GRM8: variants seen among roughly 807,000 people sequenced by gnomAD.
The protein encoded by GRM8 is metabotropic glutamate receptor 8.
Under a neutral mutation model 87.2 loss-of-function variants are expected in GRM8, and 47 were observed. That is an observed-to-expected ratio of 0.54 (90% CI 0.43 to 0.69). The LOEUF (loss-of-function observed/expected upper bound fraction) is 0.69. Among genes scored for constraint, GRM8 ranks in the 30% least tolerant of loss-of-function variants. GRM8 has a pLI of 0.00. For synonymous variants in GRM8, 396 were observed against 404.5 expected (o/e 0.98, Z 0.25); for missense variants, 1,019 against 1,139.2 (o/e 0.89, Z 1.52).
intron 6 of GRM8, among the ~76,000 whole-genome samples, chr7:126,828,980 A>T (rs1243969621): frequency 3.3e-5 from 5 of 152,124 alleles, no homozygotes; most frequent in Non-Finnish European, 4.4e-5. Context: ...ATTAAGGAGC[A>T]GGTTGTTCAG....
chr7:126,698,573 A>G (rs971836473), intron 7 of GRM8, among the ~76,000 whole-genome samples: 2 of 152,142 alleles, frequency 1.3e-5, no homozygotes, highest in Admixed American at 1.3e-4. Context: ...CTATACCTGG[A>G]ATGACTCACA....
chr7:127,035,173 C>A (rs901194992), intron 3 of GRM8, among the ~76,000 whole-genome samples: 13 of 152,144 alleles, frequency 8.5e-5, no homozygotes, highest in Admixed American at 5.2e-4. Flanking sequence ...AAAAACAATT[C>A]TTTTCCCACT....
intron 7 of GRM8, among the ~76,000 whole-genome samples, chr7:126,645,399 G>A (rs1802918179): frequency 6.6e-6 from 1 of 152,140 alleles, no homozygotes; most frequent in Non-Finnish European, 1.5e-5. Flanking sequence ...CCCACCCAGA[G>A]GAAGACTCAG....
intron 6 of GRM8, among the ~76,000 whole-genome samples, chr7:126,889,037 C>T (rs563769324): frequency 2.0e-5 from 3 of 152,144 alleles, no homozygotes; most frequent in East Asian, 1.9e-4. Flanking sequence ...GTCGGCCCAC[C>T]GTTGGGGTGT....
intron 7 of GRM8, among the ~76,000 whole-genome samples, chr7:126,682,274 A>C (rs977751111): frequency 2.0e-5 from 3 of 152,224 alleles, no homozygotes; most frequent in Non-Finnish European, 4.4e-5. Flanking sequence ...TAAATATCTG[A>C]ATGACTGAAT....
chr7:127,031,982 T>C (rs979794671), intron 3 of GRM8, among the ~76,000 whole-genome samples: 1 of 152,160 alleles, frequency 6.6e-6, no homozygotes. Flanking sequence ...TTCATATTCA[T>C]ATGTCTTGTC....
chr7:126,648,682 G>A (rs1563056084), intron 7 of GRM8, among the ~76,000 whole-genome samples: 1 of 152,186 alleles, frequency 6.6e-6, no homozygotes, highest in Non-Finnish European at 1.5e-5. Context: ...GACATTTGCT[G>A]ATAGATACCA....
At chr7:126,655,411 G>A (rs1452406127) in intron 7 of GRM8, among the ~76,000 whole-genome samples, 3 of 151,976 alleles carry the variant, frequency 2.0e-5, no homozygotes, top group African/African-American at 4.8e-5. Flanking sequence ...ATCTCATCTC[G>A]AATTATCATC....
chr7:126,702,861 G>A (rs1307096376), intron 7 of GRM8, among the ~76,000 whole-genome samples: 1 of 152,144 alleles, frequency 6.6e-6, no homozygotes, highest in Non-Finnish European at 1.5e-5. Context: ...AATGCTAAGT[G>A]ATAAAGACCT....
intron 3 of GRM8, among the ~76,000 whole-genome samples, chr7:127,031,319 T>A (rs1056744270): frequency 6.6e-6 from 1 of 152,136 alleles, no homozygotes; most frequent in Non-Finnish European, 1.5e-5. Flanking sequence ...TTATTTGTCA[T>A]TATCTGCAAA....
intron 3 of GRM8, among the ~76,000 whole-genome samples, chr7:127,001,208 TA>T (rs1340388409): frequency 2.0e-5 from 3 of 151,650 alleles, no homozygotes; most frequent in African/African-American, 7.2e-5. Context: ...AAGATATGCA[TA>T]TGAATACATA....
At chr7:126,737,588 A>G (rs889481037) in intron 7 of GRM8, among the ~76,000 whole-genome samples, 1 of 151,986 alleles carries the variant, frequency 6.6e-6, no homozygotes, top group Non-Finnish European at 1.5e-5. Context: ...AACCTCTCTC[A>G]TGATATTAAA....
intron 2 of GRM8, among the ~76,000 whole-genome samples, chr7:127,158,922 A>AACTTAAGTT (rs1792917229): frequency 6.6e-6 from 1 of 152,116 alleles, no homozygotes; most frequent in African/African-American, 2.4e-5. Flanking sequence ...CACCACCTCT[A>AACTTAAGTT]GAAGGGCCCT....
intron 6 of GRM8, among the ~76,000 whole-genome samples, chr7:126,771,625 T>G (rs1818849608): frequency 1.3e-5 from 2 of 152,150 alleles, no homozygotes; most frequent in South Asian, 4.1e-4. Context: ...ATCAGTTTAC[T>G]TCATTTTGGA....
chr7:127,148,950 C>A (rs1316671597), intron 2 of GRM8, among the ~76,000 whole-genome samples: 2 of 151,932 alleles, frequency 1.3e-5, no homozygotes, highest in Non-Finnish European at 2.9e-5. Flanking sequence ...AAATAAAAGA[C>A]CTAAACATAA....
chr7:126,691,657 A>T (rs1808826555), intron 7 of GRM8, among the ~76,000 whole-genome samples: 2 of 152,134 alleles, frequency 1.3e-5, no homozygotes, highest in Admixed American at 1.3e-4. Flanking sequence ...GAGTTAAGAC[A>T]ATATTGGAGG....
chr7:126,496,202 G>GAGAAAGGGAGGAAGGAAGGA (rs1405946092), intron 9 of GRM8, among the ~76,000 whole-genome samples: 2 of 151,780 alleles, frequency 1.3e-5, no homozygotes, highest in Admixed American at 1.3e-4. Context: ...AAAGGACAGA[G>GAGAAAGGGAGGAAGGAAGGA]AGAAAGGGAG....
chr7:127,136,357 C>T (rs1827945008), intron 2 of GRM8, among the ~76,000 whole-genome samples: 1 of 152,074 alleles, frequency 6.6e-6, no homozygotes, highest in Admixed American at 6.5e-5. Context: ...CCAGAAGCAT[C>T]ACTTCTAATA....
intron 8 of GRM8, among the ~76,000 whole-genome samples, chr7:126,597,554 T>C (rs1053541306): frequency 6.6e-6 from 1 of 152,124 alleles, no homozygotes; most frequent in South Asian, 2.1e-4. Context: ...CTACTTGTTA[T>C]GTTAAAATTG....
Sources: allele counts gnomAD v4.1 joint callset (sites outside exome capture counted in the v4.1 genomes callset), GRCh38; gene constraint gnomAD v4.1.1; transcripts MANE v1.5; gene names NCBI Gene and HGNC (gene_info 2026-07-23, HGNC 2026-07-21).